The following NTM variants were observed in gnomAD, a reference collection of about 807,000 sequenced individuals.
The protein encoded by NTM is neurotrimin, also known as IgLON family member 2.
A neutral mutation model predicts 42.1 loss-of-function variants in NTM; 13 were observed. The ratio of observed to expected loss-of-function variants is 0.31; its 90% CI spans 0.20 to 0.49. NTM has a LOEUF of 0.49. Ranked by LOEUF, NTM falls within the 20% of genes least tolerant of loss-of-function variation. The pLI is 0.99. For missense variants in NTM, 373 were observed against 452.8 expected (o/e 0.82, Z 1.60); for synonymous variants, 187 against 179.2 (o/e 1.04, Z -0.35).
At chr11:132,299,139 A>C (rs1197128764) in intron 4 of NTM, among the ~76,000 whole-genome samples, 3 of 83,692 alleles carry the variant, frequency 3.6e-5, no homozygotes, top group African/African-American at 1.6e-4. Context: ...ACTGAAAATA[A>C]AAAAAATTAG....
chr11:131,768,846 C>T (rs1284578198), intron 1 of NTM, among the ~76,000 whole-genome samples: 2 of 152,328 alleles, frequency 1.3e-5, no homozygotes, highest in East Asian at 3.9e-4. Flanking sequence ...GCCATGACTT[C>T]TAATCCGTGG....
chr11:131,632,445 T>C (rs2063746896), intron 1 of NTM, among the ~76,000 whole-genome samples: 1 of 152,176 alleles, frequency 6.6e-6, no homozygotes, highest in African/African-American at 2.4e-5. Context: ...AGTCTTGTTT[T>C]ATATTTACAC....
intron 3 of NTM, among the ~76,000 whole-genome samples, chr11:132,166,988 C>T (rs180752579): frequency 1.3e-5 from 2 of 152,340 alleles, no homozygotes; most frequent in African/African-American, 2.4e-5. Context: ...ACATCTCCCA[C>T]TCATGCAGTT....
intron 2 of NTM, among the ~76,000 whole-genome samples, chr11:131,941,487 C>A (rs1200219986): frequency 6.6e-6 from 1 of 152,198 alleles, no homozygotes; most frequent in Non-Finnish European, 1.5e-5. Context: ...TAGTGTCTTA[C>A]AAGTGACAAA....
chr11:132,154,618 G>A (rs1001700551), intron 3 of NTM, among the ~76,000 whole-genome samples: 10 of 152,164 alleles, frequency 6.6e-5, no homozygotes, highest in Non-Finnish European at 1.3e-4. Flanking sequence ...GGATGCTGCC[G>A]AGGATGAATG....
chr11:132,174,023 C>G (rs556793099), intron 3 of NTM, among the ~76,000 whole-genome samples: 1 of 152,208 alleles, frequency 6.6e-6, no homozygotes, highest in Admixed American at 6.5e-5. Context: ...ATGTCTTATA[C>G]ACCTGTTTGG....
chr11:131,511,748 T>G (rs978337299), intron 1 of NTM, among the ~76,000 whole-genome samples: 17 of 152,218 alleles, frequency 1.1e-4, no homozygotes, highest in African/African-American at 3.6e-4. Flanking sequence ...CTGTGCATAC[T>G]GCTAAATAGG....
At chr11:131,689,838 A>G (rs1239467788) in intron 1 of NTM, among the ~76,000 whole-genome samples, 5 of 152,194 alleles carry the variant, frequency 3.3e-5, no homozygotes, top group Non-Finnish European at 5.9e-5. Flanking sequence ...GCCACCTGCC[A>G]GCCTTCCAGA....
intron 1 of NTM, among the ~76,000 whole-genome samples, chr11:131,424,600 C>CTTTTTTTTTGTTTTTTTTTTT (rs1947888937): frequency 1.8e-5 from 1 of 56,052 alleles, no homozygotes; most frequent in Non-Finnish European, 3.2e-5. Context: ...CTTTTCTTTT[C>CTTTTTTTTTGTTTTTTTTTTT]TTTTTTTTTT....
chr11:132,216,036 G>T (rs889737118), intron 4 of NTM, among the ~76,000 whole-genome samples: 1 of 152,222 alleles, frequency 6.6e-6, no homozygotes, highest in East Asian at 1.9e-4. Context: ...CACTGTGCCT[G>T]GTGTCATGAC....
chr11:131,831,655 G>A (rs563275524), intron 1 of NTM, among the ~76,000 whole-genome samples: 18 of 152,236 alleles, frequency 1.2e-4, no homozygotes, highest in East Asian at 3.9e-4. Context: ...TAAAGCTTAC[G>A]TAGCAAATAG....
At position 131,797,389 on chromosome 11, in the gene NTM, G is replaced by A. The variant is rs2091684420; in HGVS notation, c.83-114175G>A. Among the ~76,000 whole-genome samples, 4 of 152,162 alleles carry A rather than the reference G, an allele frequency of 2.6e-5. No homozygotes were observed. In the South Asian group the frequency reaches 8.3e-4, roughly 32 times the overall value. ...AAGTGACCTGGCTCCTGCCCTCTAG[G>A]AACTGATAATGGAAATGAAGACACT... On this transcript the variant is annotated intron_variant, in intron 1 of 8. Transcript: ENST00000683400.
chr11:132,232,519 C>T (rs966041785), intron 4 of NTM, among the ~76,000 whole-genome samples: 1 of 152,120 alleles, frequency 6.6e-6, no homozygotes, highest in African/African-American at 2.4e-5. Context: ...GCAGGGAATA[C>T]GGGGAAGTGA....
Position 131,528,690 on chromosome 11 carries a change from C to T in NTM, c.82+157802C>T, listed in dbSNP as rs148211576. 9.9e-3 allele frequency among the ~76,000 whole-genome samples: 1,511 copies of T among 152,276 alleles called. 9 individuals are homozygous for T. The highest frequency in any genetic ancestry group is 0.016 in the Non-Finnish European group (1,061 of 68,024). Reference sequence around the variant, plus strand: ...GCTCATTCTTTTTATCTACCGCCTCCCACAGATCCCAGTACAGAGTAAGTA... The same window carrying T: ...GCTCATTCTTTTTATCTACCGCCTCTCACAGATCCCAGTACAGAGTAAGTA... On this transcript the variant is annotated intron_variant, in intron 1 of 8. Transcript: ENST00000683400.
At chr11:132,205,345 A>C (rs879406617) in intron 3 of NTM, among the ~76,000 whole-genome samples, 1 of 152,194 alleles carries the variant, frequency 6.6e-6, no homozygotes, top group Non-Finnish European at 1.5e-5. Flanking sequence ...AAAAACAGCA[A>C]ATTGCTATTT....
chr11:131,952,006 G>T (rs2061053429), intron 2 of NTM, among the ~76,000 whole-genome samples: 1 of 151,770 alleles, frequency 6.6e-6, no homozygotes, highest in South Asian at 2.1e-4. Flanking sequence ...TAATACCCTG[G>T]TCTTACTCCT....
intron 1 of NTM, among the ~76,000 whole-genome samples, chr11:131,402,770 T>G (rs1387825175): frequency 2.0e-5 from 3 of 152,172 alleles, no homozygotes; most frequent in Non-Finnish European, 4.4e-5. Flanking sequence ...TATTGAATCT[T>G]TACCAGAACT....
intron 2 of NTM, among the ~76,000 whole-genome samples, chr11:132,070,570 A>C (rs1240569979): frequency 8.1e-6 from 1 of 122,926 alleles, no homozygotes; most frequent in Non-Finnish European, 1.8e-5. Flanking sequence ...AACACGTCAC[A>C]CAGCCAAGTT....
intron 2 of NTM, among the ~76,000 whole-genome samples, chr11:131,949,244 A>G (rs887276947): frequency 1.3e-5 from 2 of 152,164 alleles, no homozygotes; most frequent in Non-Finnish European, 2.9e-5. Flanking sequence ...TTAATCATTC[A>G]TCTATTGATT....
Sources: gnomAD v4.1 joint callset for allele counts (sites outside exome capture counted in the v4.1 genomes callset) on GRCh38, gnomAD v4.1.1 for gene constraint, MANE v1.5 for transcripts, NCBI Gene and HGNC (gene_info 2026-07-23, HGNC 2026-07-21) for gene names.